MGAT5: variants seen among roughly 807,000 people sequenced by gnomAD.
MGAT5 encodes the protein alpha-1,6-mannosylglycoprotein 6-beta-N-acetylglucosaminyltransferase.
In MGAT5, 30 loss-of-function variants were observed where a neutral mutation model predicts 94.3. The ratio of observed to expected loss-of-function variants is 0.32; its 90% CI spans 0.24 to 0.43. The LOEUF is 0.43. Ranked by LOEUF, MGAT5 falls within the 20% of genes least tolerant of loss-of-function variation. The pLI is 1.00. For missense variants in MGAT5, 691 were observed against 905.5 expected (o/e 0.76, Z 3.04); for synonymous variants, 310 against 322.9 (o/e 0.96, Z 0.43).
intron 1 of MGAT5, among the ~76,000 whole-genome samples, chr2:134,214,101 A>G (rs1236384953): frequency 6.6e-6 from 1 of 152,126 alleles, no homozygotes; most frequent in African/African-American, 2.4e-5. Flanking sequence ...CCCACCCTAT[A>G]TTCCTAATAC....
intron 2 of MGAT5, among the ~76,000 whole-genome samples, chr2:134,284,238 T>C (rs750887929): frequency 1.3e-5 from 2 of 152,200 alleles, no homozygotes; most frequent in African/African-American, 2.4e-5. Context: ...TGTTGAACTT[T>C]AGTGGGCCAC....
intron 10 of MGAT5, among the ~76,000 whole-genome samples, chr2:134,385,942 T>C (rs1303456844): frequency 6.6e-6 from 1 of 152,090 alleles, no homozygotes; most frequent in Non-Finnish European, 1.5e-5. Flanking sequence ...AGTGGGGAAA[T>C]ATGGAACAAC....
intron 10 of MGAT5, among the ~76,000 whole-genome samples, chr2:134,380,305 A>G (rs1440312170): frequency 6.6e-6 from 1 of 152,200 alleles, no homozygotes; most frequent in Admixed American, 6.5e-5. Flanking sequence ...GAGCATAGTA[A>G]ATATTCAAAT....
chr2:134,375,996 G>T (rs1406362172), intron 10 of MGAT5, among the ~76,000 whole-genome samples: 1 of 152,186 alleles, frequency 6.6e-6, no homozygotes, highest in East Asian at 1.9e-4. Context: ...GAGTAACATT[G>T]CCACCATAAG....
Position 134,441,959 on chromosome 2 carries a change from C to T in MGAT5, c.2027+44C>T, listed in dbSNP as rs368817397. ...GGGTGGGGACTCAGCCCCTAGACTC[C>T]AGCTGGCCTTGTTGGGTAGTCAGGT... is the stretch of plus-strand genomic sequence containing the variant. On this transcript the variant is annotated intron_variant, in intron 15 of 15. Coordinates refer to ENST00000281923, the MANE Select transcript of MGAT5 (RefSeq NM_002410.5). 1.9e-5 allele frequency: 31 copies of T among 1,597,232 alleles called. No homozygotes were observed. The African/African-American group carries it at 3.5e-4, about 18-fold the overall frequency.
intron 1 of MGAT5, among the ~76,000 whole-genome samples, chr2:134,225,527 A>G (rs16830227): frequency 0.065 from 9,946 of 152,324 alleles, 348 homozygotes; most frequent in East Asian, 0.086. Context: ...ATTCTAATAC[A>G]AAGTGATCTA....
intron 6 of MGAT5, among the ~76,000 whole-genome samples, 171 bp from the exon 7 acceptor site, chr2:134,341,419 A>G (rs958551014): frequency 1.3e-5 from 2 of 152,220 alleles, no homozygotes; most frequent in African/African-American, 2.4e-5. Flanking sequence ...TAAAACCACA[A>G]TGAAAAATGA....
intron 1 of MGAT5, among the ~76,000 whole-genome samples, chr2:134,171,731 G>A (rs1253447170): frequency 1.3e-5 from 2 of 152,164 alleles, no homozygotes; most frequent in Non-Finnish European, 2.9e-5. Flanking sequence ...CCTTGTCCTT[G>A]TGATTTCAGA....
chr2:134,367,537 C>T (rs1680513195), intron 10 of MGAT5, among the ~76,000 whole-genome samples: 1 of 152,232 alleles, frequency 6.6e-6, no homozygotes, highest in African/African-American at 2.4e-5. Flanking sequence ...CCCACAAAGC[C>T]TTAAAATACT....
chr2:134,376,051 G>A (rs1190254566), intron 10 of MGAT5, among the ~76,000 whole-genome samples: 3 of 152,172 alleles, frequency 2.0e-5, no homozygotes, highest in African/African-American at 4.8e-5. Context: ...AGACCAGTTA[G>A]TGATCTTCCA....
At chr2:134,338,542 C>T in intron 6 of MGAT5, 122 bp downstream of exon 6, 6 of 1,089,130 alleles carry the variant, frequency 5.5e-6, no homozygotes, top group Non-Finnish European at 6.4e-6. Flanking sequence ...GGTGAATCTG[C>T]TCAGTCTCTT....
chr2:134,358,819 T>A (rs1040880771), intron 9 of MGAT5, among the ~76,000 whole-genome samples: 8 of 152,242 alleles, frequency 5.3e-5, no homozygotes, highest in Non-Finnish European at 1.2e-4. Flanking sequence ...GGTAAGCTCC[T>A]TGAGGGCAGA....
At chr2:134,381,447 G>C (rs993114205) in intron 10 of MGAT5, among the ~76,000 whole-genome samples, 1 of 149,680 alleles carries the variant, frequency 6.7e-6, no homozygotes, top group Admixed American at 6.7e-5. Flanking sequence ...GGGCAACATA[G>C]CAAGACCTGT....
intron 1 of MGAT5, among the ~76,000 whole-genome samples, chr2:134,205,797 C>A (rs972792215): frequency 1.3e-5 from 2 of 152,074 alleles, no homozygotes; most frequent in African/African-American, 4.8e-5. Context: ...CAGGGGTGTC[C>A]CAACAAGGTG....
chr2:134,439,882 G>T (rs1389791504), intron 14 of MGAT5, among the ~76,000 whole-genome samples: 1 of 152,212 alleles, frequency 6.6e-6, no homozygotes, highest in African/African-American at 2.4e-5. Flanking sequence ...GACAGACAAG[G>T]GAGGGACAGA....
intron 10 of MGAT5, among the ~76,000 whole-genome samples, chr2:134,387,332 A>ATATATATATATATATATTTTTTT: frequency 8.2e-5 from 2 of 24,260 alleles, no homozygotes; most frequent in Non-Finnish European, 1.3e-4. Flanking sequence ...ATATATATAT[A>ATATATATATATATATATTTTTTT]TTTTTTTTTT....
chr2:134,298,000 A>G (rs537060307), intron 2 of MGAT5, among the ~76,000 whole-genome samples: 1 of 152,182 alleles, frequency 6.6e-6, no homozygotes, highest in African/African-American at 2.4e-5. Context: ...AGCTAAATTG[A>G]GGTTCTAAAA....
At chr2:134,360,470 G>A (rs2106105247) in intron 9 of MGAT5, among the ~76,000 whole-genome samples, 1 of 152,048 alleles carries the variant, frequency 6.6e-6, no homozygotes, top group South Asian at 2.1e-4. Context: ...CCTACCTAGG[G>A]ACTAAATAAC....
At chr2:134,217,238 G>GTGTGTGTGT (rs1553495170) in intron 1 of MGAT5, among the ~76,000 whole-genome samples, 4 of 145,114 alleles carry the variant, frequency 2.8e-5, no homozygotes, top group African/African-American at 7.8e-5. Context: ...GAGAGAGAGT[G>GTGTGTGTGT]GTGTGTGTGT....
Sources: gnomAD v4.1 joint callset for allele counts (sites outside exome capture counted in the v4.1 genomes callset) on GRCh38, gnomAD v4.1.1 for gene constraint, MANE v1.5 for transcripts, NCBI Gene and HGNC (gene_info 2026-07-23, HGNC 2026-07-21) for gene names.